FNDC1: variants seen among roughly 807,000 people sequenced by gnomAD.
The protein encoded by FNDC1 is fibronectin type III domain-containing protein 1.
Under a neutral mutation model 168.0 loss-of-function variants are expected in FNDC1, and 96 were observed. The ratio of observed to expected loss-of-function variants is 0.57; its 90% CI spans 0.48 to 0.68. The LOEUF (loss-of-function observed/expected upper bound fraction) is 0.68. FNDC1 is among the 30% of genes least tolerant of loss of function. The pLI is 0.00. For synonymous variants in FNDC1, 1,099 were observed against 1,025.9 expected (o/e 1.07, Z -1.36); for missense variants, 2,587 against 2,482.1 (o/e 1.04, Z -0.90).
chr6:159,250,253 A>G (rs574810754), intron 16 of FNDC1, among the ~76,000 whole-genome samples: 1 of 152,246 alleles, frequency 6.6e-6, no homozygotes, highest in Admixed American at 6.5e-5. Flanking sequence ...GCTTCAGACT[A>G]ATTTTTGGAA....
chr6:159,249,570 C>T (rs1029537805), intron 16 of FNDC1, among the ~76,000 whole-genome samples: 1 of 152,214 alleles, frequency 6.6e-6, no homozygotes, highest in Non-Finnish European at 1.5e-5. Flanking sequence ...AAAAGGTTAG[C>T]CGCTTACTGA....
rs1226928368 is a variant in FNDC1 at position 159,236,308 on chromosome 6, C to A, written c.4061C>A (p.Thr1354Lys). The change falls in exon 12 of 23, where the codon ACA (threonine) becomes AAA (lysine). Residue 1354 changes from threonine to lysine, a missense_variant. By Grantham distance (78) the Thr-to-Lys change is moderately conservative. Coordinates refer to ENST00000297267, the MANE Select transcript of FNDC1 (RefSeq NM_032532.3). ...GQRIINGPQGTKWVVDLDRGL... is the reference protein window; with the variant it reads ...GQRIINGPQGKKWVVDLDRGL... ...AGAATTATCAATGGCCCTCAAGGAA[C>A]AAAGTGGGTAGGGTAAACTTCTTTA... 3 of 1,611,868 alleles carry A rather than the reference C, an allele frequency of 1.9e-6. No individual in the cohort carries two copies. The highest frequency in any genetic ancestry group is 2.5e-6 in the Non-Finnish European group (3 of 1,178,342).
Position 159,233,752 on chromosome 6 carries a change from C to T in FNDC1, c.3240C>T (p.Asp1080=). 1 of 1,548,228 alleles carries T rather than the reference C, an allele frequency of 6.5e-7. No individual in the cohort carries two copies. The highest frequency in any genetic ancestry group is 1.2e-5 in the South Asian group (1 of 83,756). ...ACGAGGATGCCCAGGGCAGCTACGACGACGACAGCACAGAAGTCGAGGCCC... is the reference window on the plus strand; with the variant it reads ...ACGAGGATGCCCAGGGCAGCTACGATGACGACAGCACAGAAGTCGAGGCCC... ...NQDEDAQGSY[D]DDSTEVEAQD... is the part of the protein sequence containing the mutation. The change falls in exon 11 of 23, where the codon GAC becomes GAT. Residue 1080 remains aspartate, a synonymous_variant. Transcript: ENST00000297267. This position sits in a 1 kb window ranked among gnomAD's most constrained non-coding sequence, Gnocchi z 4.6.
At chr6:159,234,574 C>G (rs1783205191) in intron 11 of FNDC1, 95 bp downstream of exon 11, 2 of 1,129,346 alleles carry the variant, frequency 1.8e-6, no homozygotes, top group Non-Finnish European at 2.6e-6. Flanking sequence ...TTAGCACCTA[C>G]TATGTCCACG....
intron 1 of FNDC1, among the ~76,000 whole-genome samples, chr6:159,178,747 T>C (rs549821689): frequency 2.5e-4 from 36 of 142,654 alleles, no homozygotes; most frequent in Admixed American, 2.4e-3. Context: ...AGTGTTTTTC[T>C]TTTTTTTTTT....
chr6:159,176,607 G>A (rs969521641), intron 1 of FNDC1, among the ~76,000 whole-genome samples: 9 of 152,214 alleles, frequency 5.9e-5, no homozygotes, highest in African/African-American at 1.9e-4. Flanking sequence ...GAGGTGGTTC[G>A]TGCTAAGTGC....
In FNDC1 at chr6:159,251,443, C is replaced by T. The variant is rs1044064822; in HGVS notation, c.4976C>T (p.Pro1659Leu). ...AGTGACCTGCCTCCCCAGCATGCTC[C>T]CCGCAACATCACCGTGGTGGCCGTG... The part of the protein sequence containing the change: ...KKSDLPPQHA[P>L]RNITVVAVEG... The change falls in exon 17 of 23, where the codon CCC becomes CTC. Residue 1659 changes from proline (P) to leucine (L), a missense_variant. Pro to Leu is a moderately conservative substitution (Grantham distance 98). Coordinates refer to ENST00000297267, the MANE Select transcript of FNDC1 (RefSeq NM_032532.3). The T allele has an allele frequency of 1.2e-6, 2 of 1,613,836 alleles. No homozygotes were observed. Among genetic ancestry groups the T allele is most frequent in the African/African-American group, 2.7e-5 (2 of 74,914 alleles).
chr6:159,264,972 C>T lies in FNDC1; in HGVS notation c.5255-3C>T, dbSNP rs1221100158. On this transcript the variant is annotated splice_region_variant and splice_polypyrimidine_tract_variant and intron_variant, in intron 19 of 22. Transcript: ENST00000297267. ...AGTCCATTATTTCTTTTTCATTCTACAGATAATCCTCTGCTTGTTGTGAGG... is the reference window on the plus strand; with the variant it reads ...AGTCCATTATTTCTTTTTCATTCTATAGATAATCCTCTGCTTGTTGTGAGG... 6.2e-7 allele frequency: 1 copy of T among 1,602,464 alleles called. No individual in the cohort carries two copies. The highest frequency in any genetic ancestry group is 8.5e-7 in the Non-Finnish European group (1 of 1,173,618).
intron 4 of FNDC1, among the ~76,000 whole-genome samples, chr6:159,207,847 G>A (rs1032896923): frequency 6.6e-6 from 1 of 152,060 alleles, no homozygotes; most frequent in Non-Finnish European, 1.5e-5. Context: ...AAACAACCCC[G>A]ACAAATCAAA....
At chr6:159,189,475 C>T (rs532278892) in intron 1 of FNDC1, among the ~76,000 whole-genome samples, 6 of 152,324 alleles carry the variant, frequency 3.9e-5, no homozygotes, top group South Asian at 2.1e-4. Flanking sequence ...TGTATTCTTT[C>T]CACAATACAG....
intron 14 of FNDC1, 92 bp from the exon 15 acceptor site, chr6:159,246,809 G>T (rs1281833577): frequency 1.1e-6 from 1 of 870,982 alleles, no homozygotes; most frequent in African/African-American, 1.7e-5. Context: ...ACCTGCTTGA[G>T]GTGAATGAAT....
At chr6:159,193,142 A>G (rs969350904) in intron 1 of FNDC1, among the ~76,000 whole-genome samples, 2 of 152,032 alleles carry the variant, frequency 1.3e-5, no homozygotes, top group African/African-American at 4.8e-5. Context: ...GTGTCCCTAC[A>G]TAGTGTTTTT....
chr6:159,269,281 T>TATCCATCC (rs1562315787), intron 22 of FNDC1, among the ~76,000 whole-genome samples: 1 of 57,242 alleles, frequency 1.7e-5, no homozygotes, highest in Non-Finnish European at 5.7e-5. Flanking sequence ...TCTATCTATC[T>TATCCATCC]ATCTATCTAT....
intron 4 of FNDC1, among the ~76,000 whole-genome samples, chr6:159,205,755 T>C (rs1250266354): frequency 6.6e-6 from 1 of 152,254 alleles, no homozygotes; most frequent in Non-Finnish European, 1.5e-5. Flanking sequence ...TGAATGATGC[T>C]AAGCTTTGTG....
At chr6:159,181,887 T>C (rs1192403103) in intron 1 of FNDC1, among the ~76,000 whole-genome samples, 2 of 152,210 alleles carry the variant, frequency 1.3e-5, no homozygotes, top group Non-Finnish European at 2.9e-5. Context: ...TTGACCTTCT[T>C]GATGATATGG....
intron 8 of FNDC1, 110 bp downstream of exon 8, chr6:159,225,832 TG>T (rs768024497): frequency 1.4e-5 from 13 of 937,384 alleles, no homozygotes; most frequent in Non-Finnish European, 2.0e-5. Flanking sequence ...TGGGCATTTT[TG>T]AAAGTCATGT....
Position 159,266,084 on chromosome 6 carries a change from G to A in FNDC1, c.5285G>A (p.Gly1762Asp). 1 of 1,613,656 alleles carries A rather than the reference G, an allele frequency of 6.2e-7. No individual in the cohort carries two copies. ...AGCAGGTGTGTTTTGTGTTGTCAAGGCGGTGAGCCTATCTGGATCCCATTC... is the reference window on the plus strand; with the variant it reads ...AGCAGGTGTGTTTTGTGTTGTCAAGACGGTGAGCCTATCTGGATCCCATTC... Reference protein sequence around the residue: ...DNPLLVVRPPGGEPIWIPFAF... With the variant: ...DNPLLVVRPPDGEPIWIPFAF... The change falls in exon 21 of 23, where the codon GGC (glycine) becomes GAC (aspartate). Residue 1762 changes from glycine to aspartate, a missense_variant and splice_region_variant. By Grantham distance (94) the Gly-to-Asp change is moderately conservative (BLOSUM62 -1). Transcript: ENST00000297267.
intron 4 of FNDC1, among the ~76,000 whole-genome samples, chr6:159,212,556 A>G (rs2114964323): frequency 6.6e-6 from 1 of 152,304 alleles, no homozygotes; most frequent in African/African-American, 2.4e-5. Flanking sequence ...TGGTTTTTCT[A>G]AACCCAAAGA....
chr6:159,232,627 C>G lies in FNDC1; in HGVS notation c.2115C>G (p.Ala705=). The part of the protein sequence containing the change: ...SPARRTPHSG[A]AEEDSSASAP... Reference sequence around the variant, plus strand: ...CCCGGAGGACCCCCCATTCAGGGGCCGCAGAGGAAGATTCCAGTGCCTCAG... The same window carrying G: ...CCCGGAGGACCCCCCATTCAGGGGCGGCAGAGGAAGATTCCAGTGCCTCAG... The change falls in exon 11 of 23, where the codon GCC becomes GCG. Residue 705 remains alanine (A), a synonymous_variant. Coordinates refer to ENST00000297267, the MANE Select transcript of FNDC1 (RefSeq NM_032532.3). The surrounding 1 kb of genome is among the most constrained non-coding windows in gnomAD (Gnocchi z 4.9). 6.2e-7 allele frequency: 1 copy of G among 1,610,784 alleles called. No homozygotes were observed.
Sources: gnomAD v4.1 joint callset for allele counts (sites outside exome capture counted in the v4.1 genomes callset) on GRCh38, gnomAD v4.1.1 for gene constraint, Gnocchi (gnomAD v3.1) non-coding constraint, MANE v1.5 for transcripts, NCBI Gene and HGNC (gene_info 2026-07-23, HGNC 2026-07-21) for gene names.